The following ADAMTS19 variants were observed in gnomAD, a reference collection of about 807,000 sequenced individuals.
The protein encoded by ADAMTS19 is ADAM metallopeptidase with thrombospondin type 1 motif 19.
A neutral mutation model predicts 153.3 loss-of-function variants in ADAMTS19; 93 were observed. The observed-to-expected ratio is 0.61, with a 90% CI of 0.51 to 0.72. The LOEUF is 0.72. Among genes scored for constraint, ADAMTS19 ranks in the 30% least tolerant of loss-of-function variants. The pLI, the probability that ADAMTS19 is intolerant of heterozygous loss-of-function variation, is 0.00. For missense variants in ADAMTS19, 1,482 were observed against 1,552.1 expected (o/e 0.95, Z 0.76); for synonymous variants, 600 against 556.6 (o/e 1.08, Z -1.10).
intron 2 of ADAMTS19, among the ~76,000 whole-genome samples, chr5:129,474,566 T>G (rs1750165174): frequency 6.6e-6 from 1 of 152,172 alleles, no homozygotes; most frequent in South Asian, 2.1e-4. Flanking sequence ...CAATACTTGT[T>G]TATATACCAC....
intron 6 of ADAMTS19, among the ~76,000 whole-genome samples, chr5:129,548,191 A>C (rs9716503): frequency 0.16 from 23,637 of 149,454 alleles, 2,342 homozygotes; most frequent in East Asian, 0.3. Context: ...TAATTAAACT[A>C]AAGAGCTTCT....
At chr5:129,667,808 G>A (rs527334070) in intron 16 of ADAMTS19, among the ~76,000 whole-genome samples, 1 of 152,124 alleles carries the variant, frequency 6.6e-6, no homozygotes, top group African/African-American at 2.4e-5. Flanking sequence ...AGCAGTGCAA[G>A]AACAGCCTAA....
intron 14 of ADAMTS19, among the ~76,000 whole-genome samples, chr5:129,656,322 A>G (rs1753545597): frequency 6.6e-6 from 1 of 152,244 alleles, no homozygotes; most frequent in Non-Finnish European, 1.5e-5. Context: ...TTTCAGTAAA[A>G]TTGAAAACAT....
intron 7 of ADAMTS19, among the ~76,000 whole-genome samples, chr5:129,593,114 T>C (rs997260906): frequency 1.3e-5 from 2 of 152,132 alleles, no homozygotes; most frequent in Non-Finnish European, 2.9e-5. Flanking sequence ...CCCTGTATCA[T>C]AGGGCTGGAA....
intron 8 of ADAMTS19, among the ~76,000 whole-genome samples, chr5:129,612,129 C>T (rs1359816696): frequency 8.3e-6 from 1 of 120,994 alleles, no homozygotes; most frequent in Non-Finnish European, 1.7e-5. Context: ...CCCCCTACCC[C>T]CACCCCATAA....
intron 7 of ADAMTS19, among the ~76,000 whole-genome samples, chr5:129,582,788 T>C (rs1387137016): frequency 1.3e-5 from 2 of 151,380 alleles, no homozygotes; most frequent in African/African-American, 2.4e-5. Context: ...GCCAGGATGG[T>C]CTTGATCTCC....
chr5:129,474,232 G>T (rs369285902), intron 2 of ADAMTS19, among the ~76,000 whole-genome samples: 1 of 151,950 alleles, frequency 6.6e-6, no homozygotes, highest in East Asian at 1.9e-4. Flanking sequence ...CGTATCAGTA[G>T]TTCATTCTTT....
Position 129,727,511 on chromosome 5 carries a change from C to T in ADAMTS19, c.3313-7421C>T, listed in dbSNP as rs534371604. On this transcript the variant is annotated intron_variant, in intron 21 of 22. Coordinates refer to ENST00000274487, the MANE Select transcript of ADAMTS19 (RefSeq NM_133638.6). ...CAGTATGTGGAAAAGGGAAATATTT[C>T]GGTTTTAACATAAGAGAAATATTAG... Among the ~76,000 whole-genome samples, 348 of 152,204 alleles carry T rather than the reference C, an allele frequency of 2.3e-3. 2 individuals carry two copies. Among genetic ancestry groups the T allele is most frequent in the African/African-American group, 7.8e-3 (326 of 41,536 alleles).
In ADAMTS19 at chr5:129,529,644, T is replaced by C. The variant is rs564623650; in HGVS notation, c.1328+967T>C. Among the ~76,000 whole-genome samples, 10 of 152,242 alleles carry C rather than the reference T, an allele frequency of 6.6e-5. No individual in the cohort carries two copies. The South Asian group carries it at 1.9e-3, about 28-fold the overall frequency. ...ATCGCAGTCAACCCAGCTTTTTCCT[T>C]GGGAAAAAATTCTTAACTAGCGTAG... is the stretch of plus-strand genomic sequence containing the variant. On this transcript the variant is annotated intron_variant, in intron 6 of 22. Coordinates refer to ENST00000274487, the MANE Select transcript of ADAMTS19 (RefSeq NM_133638.6).
chr5:129,641,368 G>A (rs1365231076), intron 10 of ADAMTS19, among the ~76,000 whole-genome samples: 1 of 152,144 alleles, frequency 6.6e-6, no homozygotes, highest in East Asian at 1.9e-4. Flanking sequence ...TACACACTAA[G>A]ACTATATTGT....
At chr5:129,579,619 G>C (rs1238508099) in intron 7 of ADAMTS19, among the ~76,000 whole-genome samples, 5 of 152,084 alleles carry the variant, frequency 3.3e-5, no homozygotes, top group African/African-American at 1.2e-4. Context: ...TTTTGTATAA[G>C]GTGTAAGGAA....
rs377008786 is a variant in ADAMTS19, at chr5:129,608,116, G to GTGTA, written c.1478+11453_1478+11454insGTAT. On this transcript the variant is annotated intron_variant, in intron 8 of 22. Transcript: ENST00000274487. The stretch of plus-strand genomic sequence containing the variant: ...TGTGTGTGTGTGTGTGTGTGTGTGT[G>GTGTA]TATATATATATATATATATATATAA... Among the ~76,000 whole-genome samples the GTGTA allele has an allele frequency of 2.3e-3, 111 of 47,954 alleles. 1 individual carries two copies. The highest frequency in any genetic ancestry group is 5.5e-3 in the Admixed American group (20 of 3,614). 31.5% of individuals were successfully genotyped at this position (47,954 alleles called of 152,430 possible). A position where few individuals can be genotyped will look rare whatever the true frequency, so the allele number is the denominator to read the frequency against.
At chr5:129,635,059 A>G (rs58654397) in intron 10 of ADAMTS19, among the ~76,000 whole-genome samples, 5,769 of 152,212 alleles carry the variant, frequency 0.038, 341 homozygotes, top group African/African-American at 0.13. Context: ...ACAATAGCAA[A>G]CTTAAGTTTA....
intron 20 of ADAMTS19, among the ~76,000 whole-genome samples, chr5:129,703,781 A>G (rs1029584699): frequency 6.6e-6 from 1 of 152,152 alleles, no homozygotes; most frequent in African/African-American, 2.4e-5. Context: ...TCTCTATTTC[A>G]TCTTTGAAAC....
chr5:129,521,531 C>A (rs1293565248), intron 3 of ADAMTS19, among the ~76,000 whole-genome samples: 2 of 152,108 alleles, frequency 1.3e-5, no homozygotes, highest in African/African-American at 2.4e-5. Context: ...AGTCCCAAAG[C>A]TAGTAAGTAG....
intron 21 of ADAMTS19, among the ~76,000 whole-genome samples, chr5:129,704,859 C>T (rs1034106029): frequency 7.9e-5 from 12 of 151,816 alleles, no homozygotes; most frequent in African/African-American, 2.9e-4. Context: ...TGGAAAGGAA[C>T]AAAATGTTGA....
At chr5:129,665,445 A>C in intron 15 of ADAMTS19, 54 bp from the exon 16 acceptor site, 1 of 1,423,224 alleles carries the variant, frequency 7.0e-7, no homozygotes, top group Non-Finnish European at 9.6e-7. Flanking sequence ...TCAATGAAGA[A>C]AAGAGATTTT....
At chr5:129,581,985 C>A (rs754940493) in intron 7 of ADAMTS19, among the ~76,000 whole-genome samples, 20 of 151,828 alleles carry the variant, frequency 1.3e-4, no homozygotes, top group Non-Finnish European at 2.6e-4. Context: ...GATTTCCATT[C>A]TTTTGCATTT....
chr5:129,728,682 T>C (rs1405207538), intron 21 of ADAMTS19, among the ~76,000 whole-genome samples: 3 of 152,140 alleles, frequency 2.0e-5, no homozygotes. Context: ...GTGGATGAAA[T>C]TGCCTAGCTT....
Sources: gnomAD v4.1 joint callset for allele counts (sites outside exome capture counted in the v4.1 genomes callset) on GRCh38, gnomAD v4.1.1 for gene constraint, MANE v1.5 for transcripts, NCBI Gene and HGNC (gene_info 2026-07-23, HGNC 2026-07-21) for gene names.